EGFLAM: variants seen among roughly 807,000 people sequenced by gnomAD.
The protein encoded by EGFLAM is EGF like, fibronectin type III and laminin G domains, also known as pikachurin.
EGFLAM carries 79 observed loss-of-function variants against 113.1 expected under a neutral mutation model. The observed-to-expected ratio is 0.70, with a 90% CI of 0.58 to 0.84. The LOEUF (loss-of-function observed/expected upper bound fraction) is 0.84. Ranked by LOEUF, EGFLAM falls within the 40% of genes least tolerant of loss-of-function variation. EGFLAM has a pLI of 0.00. For synonymous variants in EGFLAM, 504 were observed against 487.6 expected, an observed-to-expected ratio of 1.03 and a Z score of -0.44; for missense variants, 1,265 against 1,291.6, an observed-to-expected ratio of 0.98 and a Z score of 0.32.
At chr5:38,333,617 C>A (rs746124184) in intron 1 of EGFLAM, among the ~76,000 whole-genome samples, 3 of 151,916 alleles carry the variant, frequency 2.0e-5, no homozygotes, top group Admixed American at 6.6e-5. Context: ...GATGTGTGTT[C>A]GTGTCCTTTG....
intron 17 of EGFLAM, among the ~76,000 whole-genome samples, chr5:38,444,431 A>G (rs1742643522): frequency 6.6e-6 from 1 of 152,178 alleles, no homozygotes; most frequent in Non-Finnish European, 1.5e-5. Flanking sequence ...ACAATAATAT[A>G]TAGTTTCAAA....
chr5:38,385,269 T>TA (rs1473645403), intron 6 of EGFLAM, among the ~76,000 whole-genome samples: 1 of 76,078 alleles, frequency 1.3e-5, no homozygotes, highest in Non-Finnish European at 2.5e-5. Flanking sequence ...CAAGGACTGT[T>TA]TCCCACCCAC....
At chr5:38,270,593 A>G (rs1354182682) in intron 1 of EGFLAM, among the ~76,000 whole-genome samples, 1 of 152,208 alleles carries the variant, frequency 6.6e-6, no homozygotes, top group Non-Finnish European at 1.5e-5. Context: ...GCTTGAAGGA[A>G]TTGTAGTAAG....
chr5:38,281,188 ATCT>A (rs1258534662), intron 1 of EGFLAM, among the ~76,000 whole-genome samples: 1 of 152,190 alleles, frequency 6.6e-6, no homozygotes, highest in Non-Finnish European at 1.5e-5. Context: ...AAGAGGGCAG[ATCT>A]TCTTAGGTTC....
At chr5:38,271,166 C>A (rs1388974361) in intron 1 of EGFLAM, among the ~76,000 whole-genome samples, 1 of 152,144 alleles carries the variant, frequency 6.6e-6, no homozygotes, top group East Asian at 1.9e-4. Context: ...AAGAAAGGAT[C>A]AGGCCACTAT....
intron 3 of EGFLAM, among the ~76,000 whole-genome samples, chr5:38,348,125 G>T (rs1739521610): frequency 6.6e-6 from 1 of 152,016 alleles, no homozygotes; most frequent in Non-Finnish European, 1.5e-5. Flanking sequence ...GAGGAGGAAT[G>T]ATTCATTGAG....
At position 38,392,945 on chromosome 5, in the gene EGFLAM, C is replaced by T. The variant is rs1028341171; in HGVS notation, c.713-13181C>T. ...TGTATTTTAGTAGAGACCATGTTGG[C>T]CAGGCTGGTCTCAAACTCCTGACCT... On this transcript the variant is annotated intron_variant, in intron 6 of 21. Transcript: ENST00000322350. Among the ~76,000 whole-genome samples the T allele has an allele frequency of 6.6e-5, 10 of 152,144 alleles. 1 individual carries two copies. In the East Asian group the frequency reaches 1.9e-3, roughly 29 times the overall value.
At chr5:38,283,758 A>C (rs984442734) in intron 1 of EGFLAM, among the ~76,000 whole-genome samples, 1 of 152,126 alleles carries the variant, frequency 6.6e-6, no homozygotes, top group Non-Finnish European at 1.5e-5. Context: ...TATGTAGTGG[A>C]GTTTCTGTTT....
At chr5:38,403,553 G>A (rs1484068328) in intron 6 of EGFLAM, 7 of 314,222 alleles carry the variant, frequency 2.2e-5, no homozygotes, top group East Asian at 1.2e-4. Context: ...CAACTGAGAC[G>A]GCTGCAGACC....
chr5:38,364,733 T>C (rs1740016148), intron 5 of EGFLAM, among the ~76,000 whole-genome samples: 1 of 152,002 alleles, frequency 6.6e-6, no homozygotes, highest in Admixed American at 6.5e-5. Flanking sequence ...AAGACAGAAG[T>C]CTAAAATTAT....
chr5:38,415,583 A>G (rs1193933624), intron 11 of EGFLAM, among the ~76,000 whole-genome samples: 3 of 152,006 alleles, frequency 2.0e-5, no homozygotes. Context: ...CTGAGGAGGG[A>G]GGATCACTTG....
At chr5:38,419,211 C>T (rs539399067) in intron 12 of EGFLAM, among the ~76,000 whole-genome samples, 1 of 152,258 alleles carries the variant, frequency 6.6e-6, no homozygotes, top group East Asian at 1.9e-4. Context: ...CCTTAAATAC[C>T]TCCTTAAAGA....
chr5:38,279,438 C>T (rs1003773601), intron 1 of EGFLAM, among the ~76,000 whole-genome samples: 6 of 152,168 alleles, frequency 3.9e-5, no homozygotes, highest in African/African-American at 1.4e-4. Context: ...CAGCACTAGT[C>T]TCACTAGCCA....
intron 1 of EGFLAM, among the ~76,000 whole-genome samples, chr5:38,277,805 G>A (rs909374417): frequency 1.3e-4 from 20 of 152,018 alleles, no homozygotes; most frequent in African/African-American, 4.8e-4. Context: ...TACAAAAATT[G>A]AAATACTGAG....
intron 1 of EGFLAM, among the ~76,000 whole-genome samples, chr5:38,307,290 CTTGAA>C (rs1400483317): frequency 1.3e-5 from 2 of 152,214 alleles, no homozygotes; most frequent in African/African-American, 4.8e-5. Flanking sequence ...CAAATCTCAT[CTTGAA>C]TTGTAGTTCC....
chr5:38,416,436 G>A (rs879885173), intron 11 of EGFLAM, among the ~76,000 whole-genome samples: 5 of 152,170 alleles, frequency 3.3e-5, no homozygotes, highest in African/African-American at 2.4e-5. Flanking sequence ...AGACTCATCC[G>A]AAACTGTTAA....
intron 19 of EGFLAM, chr5:38,451,675 C>A: frequency 1.7e-6 from 1 of 589,270 alleles, no homozygotes; most frequent in Non-Finnish European, 2.8e-6. Flanking sequence ...CAAATCTGAC[C>A]CACCACTCTT....
intron 5 of EGFLAM, among the ~76,000 whole-genome samples, chr5:38,363,605 T>C (rs572233882): frequency 6.6e-6 from 1 of 152,228 alleles, no homozygotes; most frequent in Non-Finnish European, 1.5e-5. Context: ...GCATAGTTAC[T>C]GAATCCATTG....
At chr5:38,346,699 A>C (rs58011952) in intron 3 of EGFLAM, 12,444 of 152,178 alleles carry the variant, frequency 0.082, 1,729 homozygotes, top group African/African-American at 0.28. Flanking sequence ...CTAAAGCAAA[A>C]CTGGGAGAGT....
Sources: gnomAD v4.1 joint callset for allele counts (sites outside exome capture counted in the v4.1 genomes callset) on GRCh38, gnomAD v4.1.1 for gene constraint, MANE v1.5 for transcripts, NCBI Gene and HGNC (gene_info 2026-07-23, HGNC 2026-07-21) for gene names.